The following DNAJB6 variants were observed in gnomAD, a reference collection of about 807,000 sequenced individuals.
The protein encoded by DNAJB6 is dnaJ homolog subfamily B member 6.
A neutral mutation model predicts 42.7 loss-of-function variants in DNAJB6; 16 were observed. The observed-to-expected ratio is 0.37, with a 90% CI of 0.25 to 0.57. The LOEUF is 0.57. Ranked by LOEUF, DNAJB6 falls within the 20% of genes least tolerant of loss-of-function variation. The pLI is 0.74. For missense variants in DNAJB6, 347 were observed against 416.8 expected, an observed-to-expected ratio of 0.83 and a Z score of 1.46; for synonymous variants, 170 against 163.5, an observed-to-expected ratio of 1.04 and a Z score of -0.30.
intron 1 of DNAJB6, among the ~76,000 whole-genome samples, chr7:157,347,124 GGATT>G (rs1798730158): frequency 6.6e-6 from 1 of 151,946 alleles, no homozygotes; most frequent in African/African-American, 2.4e-5. Context: ...CAAAGTGCTG[GGATT>G]ACAGGCATGA....
At chr7:157,407,025 A>G (rs1247700565) in intron 8 of DNAJB6, among the ~76,000 whole-genome samples, 1 of 152,220 alleles carries the variant, frequency 6.6e-6, no homozygotes, top group Non-Finnish European at 1.5e-5. Context: ...AGCGCTCTGA[A>G]GACAGGTCCT....
intron 9 of DNAJB6, among the ~76,000 whole-genome samples, 198 bp from the exon 10 acceptor site, chr7:157,415,818 G>A (rs1796094530): frequency 6.6e-6 from 1 of 152,246 alleles, no homozygotes; most frequent in African/African-American, 2.4e-5. Context: ...GGGTGGTGAA[G>A]CTCTCTGGGT....
In DNAJB6 at chr7:157,369,677, T is replaced by C. The variant is rs550666959; in HGVS notation, c.346+2194T>C. Among the ~76,000 whole-genome samples, 1,276 of 140,398 alleles carry C rather than the reference T, an allele frequency of 9.1e-3. 59 individuals are homozygous for C. The highest frequency in any genetic ancestry group is 0.035 in the African/African-American group (1,168 of 33,236). The allele number at this position is 140,398 out of a possible 152,430, so 92.1% of individuals were successfully genotyped here. A position where few individuals can be genotyped will look rare whatever the true frequency, so the allele number is the denominator to read the frequency against. ...TATTAAACAGGCCCCTTCTTAACAT[T>C]ATTATTAAACAGGCCTTTCATAACG... On this transcript the variant is annotated intron_variant, in intron 5 of 9. Transcript: ENST00000262177.
chr7:157,363,260 G>A lies in DNAJB6; in HGVS notation c.165G>A (p.Val55=), dbSNP rs147811155. The A allele has an allele frequency of 3.7e-6, 6 of 1,608,248 alleles. No individual in the cohort carries two copies. The African/African-American group carries it at 8.0e-5, about 21-fold the overall frequency. The stretch of plus-strand genomic sequence containing the variant: ...AGCAAGTAGCGGAGGCATATGAAGT[G>A]CTGTCGGATGGTGAGTGACAGCGAG... ...KFKQVAEAYE[V]LSDAKKRDIY... is the part of the protein sequence containing the mutation. The change falls in exon 3 of 10, where the codon GTG becomes GTA. Residue 55 remains valine, a synonymous_variant. Transcript: ENST00000262177.
chr7:157,358,738 A>C, intron 2 of DNAJB6, 101 bp downstream of exon 2: 1 of 904,872 alleles, frequency 1.1e-6, no homozygotes, highest in Non-Finnish European at 1.8e-6. Flanking sequence ...CTTTTAATGT[A>C]GTATACCAGT....
chr7:157,344,650 C>T (rs1231635651), intron 1 of DNAJB6, among the ~76,000 whole-genome samples: 4 of 151,830 alleles, frequency 2.6e-5, no homozygotes, highest in Non-Finnish European at 4.4e-5. Flanking sequence ...GGTCTTGCTC[C>T]GTTACGTAGG....
intron 8 of DNAJB6, among the ~76,000 whole-genome samples, chr7:157,394,823 G>T (rs983814851): frequency 6.6e-6 from 1 of 152,240 alleles, no homozygotes; most frequent in Non-Finnish European, 1.5e-5. Flanking sequence ...TGGGCCAGAC[G>T]TGGTGGCTTA....
intron 8 of DNAJB6, among the ~76,000 whole-genome samples, chr7:157,399,236 G>A (rs1002381159): frequency 3.9e-5 from 6 of 152,274 alleles, no homozygotes; most frequent in African/African-American, 9.6e-5. Flanking sequence ...TTTGCAGGTC[G>A]GGTCCCTGTG....
At chr7:157,390,496 C>T (rs935885316) in intron 8 of DNAJB6, among the ~76,000 whole-genome samples, 1 of 152,232 alleles carries the variant, frequency 6.6e-6, no homozygotes, top group African/African-American at 2.4e-5. Context: ...CATTCAGGCA[C>T]TGATGGGAAA....
intron 1 of DNAJB6, among the ~76,000 whole-genome samples, chr7:157,344,205 G>C (rs145763027): frequency 2.4e-4 from 37 of 152,334 alleles, no homozygotes; most frequent in Non-Finnish European, 5.3e-4. Flanking sequence ...GCTGGGCGTG[G>C]TGACAGGTGC....
At chr7:157,384,149 G>A (rs1338336556) in intron 6 of DNAJB6, among the ~76,000 whole-genome samples, 1 of 152,272 alleles carries the variant, frequency 6.6e-6, no homozygotes, top group South Asian at 2.1e-4. Context: ...CGAAAAATAG[G>A]TTTGCTTTAG....
intron 3 of DNAJB6, among the ~76,000 whole-genome samples, chr7:157,364,502 A>G (rs1799753875): frequency 6.6e-6 from 1 of 151,718 alleles, no homozygotes; most frequent in Non-Finnish European, 1.5e-5. Context: ...GAGGCCTTGA[A>G]CTCCTGGGTT....
chr7:157,382,144 C>A, intron 5 of DNAJB6, 102 bp from the exon 6 acceptor site: 6 of 1,310,252 alleles, frequency 4.6e-6, no homozygotes, highest in Non-Finnish European at 6.1e-6. Context: ...TTTTTTGTTC[C>A]TGAATATGTT....
intron 5 of DNAJB6, chr7:157,368,481 T>G (rs1241189841): frequency 1.3e-5 from 2 of 152,302 alleles, no homozygotes; most frequent in Admixed American, 6.5e-5. Context: ...TGCGGAGGCC[T>G]TTGCTGAGGA....
chr7:157,369,940 A>ACCCTTCTTAAGATTATTATTAAACAGGC (rs2117013291), intron 5 of DNAJB6, among the ~76,000 whole-genome samples: 1 of 131,834 alleles, frequency 7.6e-6, no homozygotes, highest in Non-Finnish European at 1.6e-5. Context: ...ATTAAACGGG[A>ACCCTTCTTAAGATTATTATTAAACAGGC]CCCTTCTTAA....
intron 1 of DNAJB6, among the ~76,000 whole-genome samples, chr7:157,350,760 G>A (rs1347647719): frequency 1.3e-5 from 2 of 151,562 alleles, no homozygotes; most frequent in African/African-American, 4.9e-5. Context: ...TGCGATCTTG[G>A]CTCACTGCAA....
At chr7:157,367,739 A>AT (rs1272954007) in intron 5 of DNAJB6, among the ~76,000 whole-genome samples, 1 of 152,088 alleles carries the variant, frequency 6.6e-6, no homozygotes, top group African/African-American at 2.4e-5. Context: ...CATGCCTGTA[A>AT]TCCCAGCTAC....
intron 3 of DNAJB6, among the ~76,000 whole-genome samples, chr7:157,364,092 C>T (rs1447907139): frequency 6.6e-6 from 1 of 151,068 alleles, no homozygotes; most frequent in African/African-American, 2.4e-5. Flanking sequence ...CCCTTATTTA[C>T]AACAAAAAAA....
intron 3 of DNAJB6, among the ~76,000 whole-genome samples, chr7:157,364,379 A>G (rs1584902672): frequency 2.6e-5 from 4 of 152,174 alleles, no homozygotes; most frequent in African/African-American, 9.7e-5. Context: ...ACATAAAAAC[A>G]CCGATATTTG....
Sources: allele counts gnomAD v4.1 joint callset (sites outside exome capture counted in the v4.1 genomes callset), GRCh38; gene constraint gnomAD v4.1.1; transcripts MANE v1.5; gene names NCBI Gene and HGNC (gene_info 2026-07-23, HGNC 2026-07-21).